ATG7: variants seen among roughly 807,000 people sequenced by gnomAD.
ATG7 encodes ubiquitin-like modifier-activating enzyme ATG7.
ATG7 carries 70 observed loss-of-function variants against 82.4 expected under a neutral mutation model. The ratio of observed to expected loss-of-function variants is 0.85; its 90% CI spans 0.70 to 1.04. ATG7 has a LOEUF of 1.04. Among genes scored for constraint, ATG7 ranks in the 50% least tolerant of loss-of-function variants. The pLI is 0.00. For missense variants in ATG7, 792 were observed against 864.3 expected, an observed-to-expected ratio of 0.92 and a Z score of 1.05; for synonymous variants, 287 against 313.0, an observed-to-expected ratio of 0.92 and a Z score of 0.88.
chr3:11,452,821 ATTC>A (rs1403062004), intron 20 of ATG7, among the ~76,000 whole-genome samples: 1 of 152,170 alleles, frequency 6.6e-6, no homozygotes, highest in Admixed American at 6.5e-5. Flanking sequence ...GTTAAGACCT[ATTC>A]TTTTTAGTAT....
intron 3 of ATG7, among the ~76,000 whole-genome samples, chr3:11,291,933 A>T (rs1424516036): frequency 6.6e-6 from 1 of 152,236 alleles, no homozygotes; most frequent in East Asian, 1.9e-4. Context: ...TAGTAAGGCC[A>T]GTAAGCTTTC....
chr3:11,535,687 C>G (rs557196728), intron 20 of ATG7, among the ~76,000 whole-genome samples: 7 of 152,214 alleles, frequency 4.6e-5, no homozygotes, highest in African/African-American at 1.4e-4. Context: ...CTCTTTTCAA[C>G]CAGGCTCCTT....
intron 19 of ATG7, among the ~76,000 whole-genome samples, chr3:11,389,727 T>C (rs1196824393): frequency 2.6e-5 from 4 of 152,196 alleles, no homozygotes; most frequent in Non-Finnish European, 5.9e-5. Context: ...CATTGGAATA[T>C]ATGTGCAGCC....
At chr3:11,557,883 C>CTA (rs2072587170), downstream of ATG7, 2 of 153,004 alleles carry the variant, frequency 1.3e-5, no homozygotes, top group Admixed American at 6.5e-5. Flanking sequence ...AGAGAAAGAC[C>CTA]TATAACCTGT....
chr3:11,279,235 T>G lies in ATG7; in HGVS notation c.-365-1759T>G, dbSNP rs142509835. Among the ~76,000 whole-genome samples, 26 of 152,338 alleles carry G rather than the reference T, an allele frequency of 1.7e-4. No homozygotes were observed. In the East Asian group the frequency reaches 4.8e-3, roughly 28 times the overall value. ...GACCAGAGGGCATTACTGCATTTAT[T>G]GAGAGAGAGCCAGAGATGCTCAACA... On this transcript the variant is annotated intron_variant, in intron 1 of 20. Transcript: ENST00000693202.
chr3:11,340,320 T>G (rs1953327182), intron 11 of ATG7, among the ~76,000 whole-genome samples: 1 of 152,074 alleles, frequency 6.6e-6, no homozygotes, highest in South Asian at 2.1e-4. Context: ...TCTTTTTTTT[T>G]TTTTCAGCAA....
At chr3:11,428,820 C>T (rs1052827149) in intron 20 of ATG7, among the ~76,000 whole-genome samples, 2 of 152,200 alleles carry the variant, frequency 1.3e-5, no homozygotes, top group Non-Finnish European at 2.9e-5. Context: ...GAATTTCAAC[C>T]TGAAATTGAC....
Position 11,411,619 on chromosome 3 carries a change from CAAAAAAAAAAAAAAAA to C in ATG7, c.1957-15171_1957-15156del, listed in dbSNP as rs71055868. On this transcript the variant is annotated intron_variant, in intron 19 of 20. Transcript: ENST00000693202. ...TGGTGACACAGCAAGACTCTGTCTC[CAAAAAAAAAAAAAAAA>C]AAAAAAAAAAAAATTCTTATCAGAT... Among the ~76,000 whole-genome samples the C allele has an allele frequency of 4.0e-3, 288 of 71,780 alleles. 3 individuals are homozygous for C. Among genetic ancestry groups the C allele is most frequent in the African/African-American group, 0.012 (271 of 21,810 alleles). 47.1% of individuals were successfully genotyped at this position (71,780 alleles called of 152,430 possible). A position where few individuals can be genotyped will look rare whatever the true frequency, so the allele number is the denominator to read the frequency against.
the ATG7 span, among the ~76,000 whole-genome samples, chr3:11,567,128 A>C: frequency 6.6e-6 from 1 of 151,964 alleles, no homozygotes; most frequent in Non-Finnish European, 1.5e-5. Flanking sequence ...ATTCTGCGCC[A>C]TCTCCAGCAG....
rs1434575723 is a variant in ATG7, at chr3:11,473,296, A to G, written c.2079+46370A>G. On this transcript the variant is annotated intron_variant, in intron 20 of 20. Transcript: ENST00000693202. ...TAGTATTTTCTGACTGCTATCACCT[A>G]CCCAGGAAGAAAATTGTCACTTACT... Among the ~76,000 whole-genome samples, 3 of 152,258 alleles carry G rather than the reference A, an allele frequency of 2.0e-5. 1 individual carries two copies. The South Asian group carries it at 6.2e-4, about 32-fold the overall frequency.
At chr3:11,530,052 T>C (rs765275362) in intron 20 of ATG7, among the ~76,000 whole-genome samples, 1 of 152,166 alleles carries the variant, frequency 6.6e-6, no homozygotes, top group African/African-American at 2.4e-5. Context: ...AGAGGTGTCG[T>C]TGGCTTTTTT....
At chr3:11,304,642 A>T (rs1035094659) in intron 5 of ATG7, 1 of 152,248 alleles carries the variant, frequency 6.6e-6, no homozygotes, top group African/African-American at 2.4e-5. Flanking sequence ...GGTGCAACAC[A>T]GCCCCAGCAC....
intron 20 of ATG7, among the ~76,000 whole-genome samples, chr3:11,489,224 A>T (rs748948902): frequency 6.6e-6 from 1 of 152,242 alleles, no homozygotes; most frequent in Non-Finnish European, 1.5e-5. Context: ...GCTGTCAGAC[A>T]GGGACATTTA....
chr3:11,490,036 A>G (rs1283500086), intron 20 of ATG7, among the ~76,000 whole-genome samples: 2 of 152,086 alleles, frequency 1.3e-5, no homozygotes, highest in South Asian at 2.1e-4. Flanking sequence ...TATCCTTGTT[A>G]ACTTTCTGTC....
At chr3:11,465,539 G>A (rs1326250721) in intron 20 of ATG7, among the ~76,000 whole-genome samples, 2 of 151,850 alleles carry the variant, frequency 1.3e-5, no homozygotes, top group Non-Finnish European at 2.9e-5. Context: ...GAGGCTAGGA[G>A]TGTGAGACCA....
At chr3:11,426,675 G>A in intron 19 of ATG7, 129 bp from the exon 20 acceptor site, 1 of 885,102 alleles carries the variant, frequency 1.1e-6, no homozygotes, top group Admixed American at 3.7e-5. Context: ...CCACTAGATT[G>A]CATTATTATC....
At chr3:11,419,065 A>G (rs768518357) in intron 19 of ATG7, among the ~76,000 whole-genome samples, 5 of 152,190 alleles carry the variant, frequency 3.3e-5, no homozygotes, top group Non-Finnish European at 5.9e-5. Context: ...AAGCATATCA[A>G]GTGGTTTCTC....
At chr3:11,395,135 G>C (rs980115515) in intron 19 of ATG7, among the ~76,000 whole-genome samples, 2 of 152,014 alleles carry the variant, frequency 1.3e-5, no homozygotes, top group African/African-American at 2.4e-5. Context: ...AAAATGAATA[G>C]GTGTATAGGC....
At chr3:11,508,565 C>T (rs1001693684) in intron 20 of ATG7, among the ~76,000 whole-genome samples, 12 of 152,128 alleles carry the variant, frequency 7.9e-5, no homozygotes, top group African/African-American at 2.9e-4. Flanking sequence ...AGGTGATCCT[C>T]CTGCTTCAGC....
Sources: gnomAD v4.1 joint callset for allele counts (sites outside exome capture counted in the v4.1 genomes callset) on GRCh38, gnomAD v4.1.1 for gene constraint, MANE v1.5 for transcripts, NCBI Gene and HGNC (gene_info 2026-07-23, HGNC 2026-07-21) for gene names.